SIK2: variants seen among roughly 807,000 people sequenced by gnomAD.
SIK2 encodes the protein serine/threonine-protein kinase SIK2.
In SIK2, 29 loss-of-function variants were observed where a neutral mutation model predicts 103.2. The ratio of observed to expected loss-of-function variants is 0.28; its 90% CI spans 0.21 to 0.38. SIK2 has a LOEUF of 0.38. SIK2 is among the 10% of genes least tolerant of loss of function. The probability of loss-of-function intolerance (pLI) is 1.00; values close to 1 mark genes in which losing one functional copy is unlikely to be tolerated. For synonymous variants in SIK2, 412 were observed against 446.1 expected, an observed-to-expected ratio of 0.92 and a Z score of 0.96; for missense variants, 879 against 1,171.0, an observed-to-expected ratio of 0.75 and a Z score of 3.64.
intron 3 of SIK2, among the ~76,000 whole-genome samples, chr11:111,625,243 T>C (rs1274456223): frequency 6.6e-6 from 1 of 152,182 alleles, no homozygotes; most frequent in African/African-American, 2.4e-5. Flanking sequence ...TCACTCTGGC[T>C]GCTGTGTTGA....
chr11:111,702,636 CAGG>C (rs1368412044), intron 6 of SIK2, among the ~76,000 whole-genome samples: 1 of 152,152 alleles, frequency 6.6e-6, no homozygotes, highest in Non-Finnish European at 1.5e-5. Flanking sequence ...CATATAGTGA[CAGG>C]AGGTTACCTT....
At position 111,730,109 on chromosome 11, in the gene SIK2, G is replaced by A. The variant is rs1446951996; in HGVS notation, c.*5980G>A. 6.6e-6 allele frequency: 1 copy of A among 152,162 alleles called. No individual in the cohort carries two copies. The highest frequency in any genetic ancestry group is 1.5e-5 in the Non-Finnish European group (1 of 68,026). 9.4% of individuals were successfully genotyped at this position (152,162 alleles called of 1,614,324 possible). On this transcript the variant is annotated 3_prime_UTR_variant, in exon 15 of 15. Transcript: ENST00000304987. ...CAACTAGAAGTGCTTATTACTTTTA[G>A]GATTAAAAAAGTAATAACAGACTTT...
At chr11:111,648,939 A>AAGTGTGTCTTATT (rs1489003001) in intron 3 of SIK2, among the ~76,000 whole-genome samples, 5 of 152,108 alleles carry the variant, frequency 3.3e-5, no homozygotes, top group African/African-American at 1.2e-4. Context: ...AAGCTAAGGC[A>AAGTGTGTCTTATT]AGTGTGTCTT....
intron 4 of SIK2, among the ~76,000 whole-genome samples, chr11:111,696,039 T>G (rs1338742855): frequency 6.6e-6 from 1 of 152,210 alleles, no homozygotes; most frequent in Non-Finnish European, 1.5e-5. Context: ...GGCTGGTTAA[T>G]TAAGTAAGAG....
chr11:111,683,699 G>A (rs551802940), intron 3 of SIK2, among the ~76,000 whole-genome samples: 18 of 152,064 alleles, frequency 1.2e-4, no homozygotes, highest in Non-Finnish European at 2.2e-4. Flanking sequence ...TGATCCGCCC[G>A]CCTCAGCCTC....
intron 3 of SIK2, among the ~76,000 whole-genome samples, chr11:111,648,531 G>T (rs902918726): frequency 1.8e-4 from 27 of 151,922 alleles, no homozygotes; most frequent in African/African-American, 5.8e-4. Flanking sequence ...TCACATCAGG[G>T]ATTAGATTTC....
At chr11:111,652,876 G>T (rs1418039323) in intron 3 of SIK2, among the ~76,000 whole-genome samples, 1 of 152,146 alleles carries the variant, frequency 6.6e-6, no homozygotes, top group Non-Finnish European at 1.5e-5. Context: ...TAAATCAGAG[G>T]CAGGTGAGTC....
chr11:111,625,797 A>G (rs904354057), intron 3 of SIK2, among the ~76,000 whole-genome samples: 1 of 152,208 alleles, frequency 6.6e-6, no homozygotes, highest in South Asian at 2.1e-4. Flanking sequence ...TCTGCTGCAA[A>G]AAGGGAAAAA....
intron 3 of SIK2, among the ~76,000 whole-genome samples, chr11:111,628,311 T>A (rs145840644): frequency 1.3e-4 from 20 of 152,272 alleles, no homozygotes; most frequent in African/African-American, 4.6e-4. Flanking sequence ...CTAGTATTAG[T>A]TTAAGGAGTC....
intron 3 of SIK2, among the ~76,000 whole-genome samples, chr11:111,667,464 T>C (rs111960117): frequency 0.013 from 1,902 of 151,450 alleles, 36 homozygotes; most frequent in African/African-American, 0.043. Flanking sequence ...TAAATGATAC[T>C]GATCAATAGT....
chr11:111,700,061 A>T (rs915297478), intron 4 of SIK2, among the ~76,000 whole-genome samples: 31 of 152,254 alleles, frequency 2.0e-4, no homozygotes, highest in African/African-American at 7.2e-4. Flanking sequence ...TTCGGTAAGA[A>T]TATGAGACTA....
At chr11:111,614,018 G>A (rs1941766641) in intron 1 of SIK2, among the ~76,000 whole-genome samples, 1 of 151,232 alleles carries the variant, frequency 6.6e-6, no homozygotes, top group African/African-American at 2.4e-5. Context: ...CTTGAACAAG[G>A]CAGAGGTTAG....
intron 3 of SIK2, among the ~76,000 whole-genome samples, chr11:111,642,165 A>G (rs1445289666): frequency 6.6e-6 from 1 of 152,112 alleles, no homozygotes; most frequent in Non-Finnish European, 1.5e-5. Context: ...CACACCAACC[A>G]ATTTTCCAGT....
chr11:111,720,265 C>G (rs1032832285), intron 10 of SIK2, among the ~76,000 whole-genome samples: 2 of 152,154 alleles, frequency 1.3e-5, no homozygotes, highest in Admixed American at 1.3e-4. Flanking sequence ...CTCTTTTGGA[C>G]TGGCTGAGAT....
At chr11:111,691,575 C>T (rs367645071) in intron 4 of SIK2, among the ~76,000 whole-genome samples, 2 of 152,316 alleles carry the variant, frequency 1.3e-5, no homozygotes, top group East Asian at 3.9e-4. Flanking sequence ...TGTGTCACTT[C>T]TTCCTAAAGG....
intron 3 of SIK2, among the ~76,000 whole-genome samples, chr11:111,653,372 A>T (rs917344605): frequency 6.6e-6 from 1 of 152,244 alleles, no homozygotes; most frequent in Non-Finnish European, 1.5e-5. Flanking sequence ...ACAACGTTGT[A>T]TCCTTTCTCC....
Position 111,724,036 on chromosome 11 carries a change from C to T in SIK2, c.2688C>T (p.Asp896=), listed in dbSNP as rs765793089. The stretch of plus-strand genomic sequence containing the variant: ...TGCAAGAGGCCCCCTCCAGCTACGA[C>T]CCACTAGCCCTCTCTGAGCTACCTG... The part of the protein sequence containing the change: ...PGLQEAPSSY[D]PLALSELPGL... Residue 896 remains aspartate (D), a synonymous_variant, in exon 15 of 15, where the codon GAC becomes GAT. Transcript: ENST00000304987. The T allele has an allele frequency of 1.2e-6, 2 of 1,614,174 alleles. No individual in the cohort carries two copies. The highest frequency in any genetic ancestry group is 3.3e-5 in the Admixed American group (2 of 60,032).
rs758998401 is a variant in SIK2, at chr11:111,721,034, T to C, written c.1916T>C (p.Leu639Pro). 6.2e-7 allele frequency: 1 copy of C among 1,613,764 alleles called. No individual in the cohort carries two copies. Among genetic ancestry groups the C allele is most frequent in the Non-Finnish European group, 8.5e-7 (1 of 1,179,840 alleles). ...AACCTGGCGCCGGCGGCTCCTCAGCTCCAGGACCTTGCTAGCAGCTGCCCT... is the reference window on the plus strand; with the variant it reads ...AACCTGGCGCCGGCGGCTCCTCAGCCCCAGGACCTTGCTAGCAGCTGCCCT... Reference protein sequence around the residue: ...DPNLAPAAPQLQDLASSCPQE... With the variant: ...DPNLAPAAPQPQDLASSCPQE... The change falls in exon 12 of 15, where the codon CTC becomes CCC. Residue 639 changes from leucine (L) to proline (P), a missense_variant. By Grantham distance (98) the Leu-to-Pro change is moderately conservative. Around this residue, in one of 7 missense-constraint regions of SIK2, gnomAD observed 375 missense variants for 416.3 expected, o/e 0.90. Transcript: ENST00000304987.
chr11:111,626,504 C>T (rs1002333796), intron 3 of SIK2, among the ~76,000 whole-genome samples: 1 of 151,566 alleles, frequency 6.6e-6, no homozygotes, highest in South Asian at 2.1e-4. Flanking sequence ...ATTCTACTTC[C>T]TAAGTATTTC....
Sources: allele counts gnomAD v4.1 joint callset (sites outside exome capture counted in the v4.1 genomes callset), GRCh38; gene constraint gnomAD v4.1.1; regional missense constraint gnomAD v4.1.1; transcripts MANE v1.5; gene names NCBI Gene and HGNC (gene_info 2026-07-23, HGNC 2026-07-21).